ATP6V1E1: variants seen among roughly 807,000 people sequenced by gnomAD.
ATP6V1E1 encodes the protein ATPase H+ transporting V1 subunit E1.
In ATP6V1E1, 21 loss-of-function variants were observed where a neutral mutation model predicts 35.2. The ratio of observed to expected loss-of-function variants is 0.60; its 90% CI spans 0.42 to 0.86. The LOEUF is 0.86. ATP6V1E1 is among the 40% of genes least tolerant of loss of function. The probability of loss-of-function intolerance (pLI) is 0.00; values close to 1 mark genes in which losing one functional copy is unlikely to be tolerated. For missense variants in ATP6V1E1, 183 were observed against 272.6 expected, an observed-to-expected ratio of 0.67 and a Z score of 2.32; for synonymous variants, 83 against 87.8, an observed-to-expected ratio of 0.95 and a Z score of 0.30.
chr22:17,598,098 G>A (rs1469479529), intron 7 of ATP6V1E1, 96 bp downstream of exon 7: 12 of 949,070 alleles, frequency 1.3e-5, no homozygotes, highest in African/African-American at 3.3e-5. Context: ...CTAAGAGTGC[G>A]TTTAAATGGT....
Position 17,594,606 on chromosome 22 carries a change from C to G in ATP6V1E1, c.541G>C (p.Val181Leu). 5 of 1,558,850 alleles carry G rather than the reference C, an allele frequency of 3.2e-6. No individual in the cohort carries two copies. The highest frequency in any genetic ancestry group is 4.3e-6 in the Non-Finnish European group (5 of 1,160,636). ...TTACGATCTCCATTATAGATCTCAA[C>G]TCCACCAGCTCTGCAAAAAAAAAAG... Reference protein sequence around the residue: ...SYLPEDIAGGVEIYNGDRKIK... With the variant: ...SYLPEDIAGGLEIYNGDRKIK... Residue 181 changes from valine to leucine, a missense_variant, in exon 8 of 9, where the codon GTT becomes CTT. Physicochemically the swap from Val to Leu is conservative, Grantham distance 32. Transcript: ENST00000253413.
chr22:17,620,150 G>GT (rs35111647), intron 1 of ATP6V1E1, among the ~76,000 whole-genome samples: 9,064 of 135,884 alleles, frequency 0.067, 325 homozygotes, highest in African/African-American at 0.091. Context: ...CCTTCCCTTT[G>GT]TTTTTTTTTT....
At chr22:17,627,762 T>G (rs2057923663) in intron 1 of ATP6V1E1, among the ~76,000 whole-genome samples, 1 of 141,216 alleles carries the variant, frequency 7.1e-6, no homozygotes. Flanking sequence ...GAGGTTGCAG[T>G]GAGCCGAGAT....
intron 4 of ATP6V1E1, among the ~76,000 whole-genome samples, chr22:17,608,108 T>C (rs139087726): frequency 6.7e-4 from 102 of 152,322 alleles, no homozygotes; most frequent in African/African-American, 2.3e-3. Context: ...TGTATTATCT[T>C]GTCCAGGTCC....
At chr22:17,627,676 G>C (rs1478975540) in intron 1 of ATP6V1E1, among the ~76,000 whole-genome samples, 1 of 150,804 alleles carries the variant, frequency 6.6e-6, no homozygotes, top group African/African-American at 2.4e-5. Context: ...ACAAAAATTA[G>C]CCGGGCTTGG....
intron 1 of ATP6V1E1, among the ~76,000 whole-genome samples, chr22:17,619,941 T>C (rs1320313091): frequency 6.6e-6 from 1 of 152,254 alleles, no homozygotes; most frequent in East Asian, 1.9e-4. Context: ...CTTTCTCTTC[T>C]CCACCTGTAA....
chr22:17,609,183 C>T (rs1227096298), intron 4 of ATP6V1E1, among the ~76,000 whole-genome samples: 2 of 151,526 alleles, frequency 1.3e-5, no homozygotes, highest in African/African-American at 2.4e-5. Flanking sequence ...CTTTTTTGAG[C>T]GGAGTCTCAC....
At chr22:17,620,442 C>T (rs768392285) in intron 1 of ATP6V1E1, among the ~76,000 whole-genome samples, 1 of 151,878 alleles carries the variant, frequency 6.6e-6, no homozygotes, top group Non-Finnish European at 1.5e-5. Flanking sequence ...CCACCGCGCA[C>T]GGCGAGCAAC....
At position 17,609,208 on chromosome 22, in the gene ATP6V1E1, T is replaced by G. The variant is rs536508195; in HGVS notation, c.276+3604A>C. Among the ~76,000 whole-genome samples, 589 of 152,176 alleles carry G rather than the reference T, an allele frequency of 3.9e-3. 2 individuals carry two copies. The highest frequency in any genetic ancestry group is 0.014 in the African/African-American group (561 of 41,536). The stretch of plus-strand genomic sequence containing the variant: ...CGGAGTCTCACTCTGTCGCCCAGGC[T>G]GGAGTGCAATGACGGGATCTCAGCT... On this transcript the variant is annotated intron_variant, in intron 4 of 8. Coordinates refer to ENST00000253413, the MANE Select transcript of ATP6V1E1 (RefSeq NM_001696.4).
At chr22:17,616,965 G>A (rs1183813713) in intron 2 of ATP6V1E1, among the ~76,000 whole-genome samples, 1 of 102,726 alleles carries the variant, frequency 9.7e-6, no homozygotes, top group Admixed American at 9.2e-5. Flanking sequence ...GGAGAATGGC[G>A]TGAACCCGGG....
intron 4 of ATP6V1E1, among the ~76,000 whole-genome samples, chr22:17,605,693 C>CG (rs1555957952): frequency 7.7e-5 from 8 of 103,970 alleles, no homozygotes; most frequent in African/African-American, 2.9e-4. Context: ...AGATGTTTCT[C>CG]TTTTTTTTTT....
chr22:17,605,921 A>C (rs1225069186), intron 4 of ATP6V1E1, among the ~76,000 whole-genome samples: 2 of 151,948 alleles, frequency 1.3e-5, no homozygotes, highest in African/African-American at 4.8e-5. Flanking sequence ...CAGCCTCCCA[A>C]AGTGTGGGGA....
chr22:17,600,373 G>C (rs985230408), intron 5 of ATP6V1E1, among the ~76,000 whole-genome samples: 1 of 152,076 alleles, frequency 6.6e-6, no homozygotes, highest in African/African-American at 2.4e-5. Flanking sequence ...GGAGACGGAG[G>C]TTGAAGTAAA....
chr22:17,627,333 T>A (rs992919018), intron 1 of ATP6V1E1, among the ~76,000 whole-genome samples: 2 of 151,012 alleles, frequency 1.3e-5, no homozygotes, highest in Non-Finnish European at 3.0e-5. Flanking sequence ...TTCACCATGC[T>A]GGCCAGGCTC....
chr22:17,619,378 C>T (rs2057863773), intron 2 of ATP6V1E1, 83 bp downstream of exon 2: 2 of 1,168,702 alleles, frequency 1.7e-6, no homozygotes, highest in African/African-American at 3.1e-5. Context: ...TGTTGTTAAG[C>T]AGTTTTACTA....
Position 17,592,800 on chromosome 22 carries a change from C to CT in ATP6V1E1, c.619-65dup, listed in dbSNP as rs150344720. The CT allele has an allele frequency of 0.048, 34,308 of 710,428 alleles. 16 individuals are homozygous for CT. Among genetic ancestry groups the CT allele is most frequent in the South Asian group, 0.06 (3,203 of 53,276 alleles). 44.0% of individuals were successfully genotyped at this position (710,428 alleles called of 1,614,324 possible). Reference sequence around the variant, plus strand: ...GAAGAAGTTGTAGAGCGCTGCACATCTTTTTTTTTTTTTTTTTTTTGAGAC... The same window carrying CT: ...GAAGAAGTTGTAGAGCGCTGCACATCTTTTTTTTTTTTTTTTTTTTTGAGAC... On this transcript the variant is annotated intron_variant, in intron 8 of 8. Transcript: ENST00000253413.
intron 1 of ATP6V1E1, among the ~76,000 whole-genome samples, chr22:17,623,973 A>C (rs936710838): frequency 6.6e-6 from 1 of 152,228 alleles, no homozygotes; most frequent in Non-Finnish European, 1.5e-5. Flanking sequence ...CTTTAAAAAA[A>C]CAGTTTCTTC....
In ATP6V1E1 at chr22:17,628,618, A is replaced by G. The variant is rs777410500; in HGVS notation, c.18T>C (p.Ala6=). The stretch of plus-strand genomic sequence containing the variant: ...AGCCCCTCACCTGCTTTTGCACGTC[A>G]GCATCGCTGAGAGCCATGGCGAGAG... MALSD[A]DVQKQIKHMM... Residue 6 remains alanine (A), a synonymous_variant, in exon 1 of 9, where the codon GCT becomes GCC. Coordinates refer to ENST00000253413, the MANE Select transcript of ATP6V1E1 (RefSeq NM_001696.4). 6.2e-7 allele frequency: 1 copy of G among 1,614,198 alleles called. No individual in the cohort carries two copies. The highest frequency in any genetic ancestry group is 1.7e-5 in the Admixed American group (1 of 60,032).
chr22:17,598,412 T>A (rs2057744257), intron 6 of ATP6V1E1, 124 bp from the exon 7 acceptor site: 1 of 744,882 alleles, frequency 1.3e-6, no homozygotes, highest in African/African-American at 1.8e-5. Context: ...GAGGCACCGC[T>A]GGTGGGAATG....
Sources: allele counts gnomAD v4.1 joint callset (sites outside exome capture counted in the v4.1 genomes callset), GRCh38; gene constraint gnomAD v4.1.1; transcripts MANE v1.5; gene names NCBI Gene and HGNC (gene_info 2026-07-23, HGNC 2026-07-21).